Variants in SLC4A11 observed in about 807,000 individuals in gnomAD.
The protein encoded by SLC4A11 is bicarbonate transporter related protein 1.
SLC4A11 carries 74 observed loss-of-function variants against 95.0 expected under a neutral mutation model. The ratio of observed to expected loss-of-function variants is 0.78; its 90% CI spans 0.65 to 0.95. The LOEUF (loss-of-function observed/expected upper bound fraction) is 0.95. Ranked by LOEUF, SLC4A11 falls within the 40% of genes least tolerant of loss-of-function variation. SLC4A11 has a pLI of 0.00. For synonymous variants in SLC4A11, 548 were observed against 519.0 expected (o/e 1.06, Z -0.76); for missense variants, 1,081 against 1,192.4 (o/e 0.91, Z 1.38).
At position 3,228,535 on chromosome 20, in the gene SLC4A11, C is replaced by T. The variant is rs145325200; in HGVS notation, c.2365G>A (p.Val789Met). 34 of 1,612,986 alleles carry T rather than the reference C, an allele frequency of 2.1e-5. No homozygotes were observed. The highest frequency in any genetic ancestry group is 5.0e-5 in the Admixed American group (3 of 59,984). ...SLDGNQLVQR[V>M]ALLLKEQTAY... ...ACCTGCTCCTTGAGCAGCAGGGCCA[C>T]GCGCTGGACGAGCTGGTTGCCATCG... The change falls in exon 18 of 20, where the codon GTG becomes ATG. Residue 789 changes from valine (V) to methionine (M), a missense_variant. Physicochemically the swap from Val to Met is conservative, Grantham distance 21. This residue lies in a region of SLC4A11 where 767 missense variants were observed against 858.0 expected (regional missense o/e 0.89). Transcript: ENST00000642402.
chr20:3,234,005 G>A lies in SLC4A11; in HGVS notation c.524-3C>T. ...GATGGTATCTGACAGCAGGTGGACT[G>A]AGGAAAGAGTGAGGGGGAGGGTGGT... On this transcript the variant is annotated splice_polypyrimidine_tract_variant and splice_region_variant and intron_variant, in intron 5 of 19. Transcript: ENST00000642402. The surrounding 1 kb of genome is among the most constrained non-coding windows in gnomAD (Gnocchi z 5.8). 6.2e-7 allele frequency: 1 copy of A among 1,613,880 alleles called. No homozygotes were observed. The highest frequency in any genetic ancestry group is 1.1e-5 in the South Asian group (1 of 91,082).
chr20:3,229,060 G>GGGGCCCCCCCCCCCCCCCCCCCCCCCCCC, intron 16 of SLC4A11, 35 bp downstream of exon 16: 6 of 1,541,924 alleles, frequency 3.9e-6, no homozygotes, highest in African/African-American at 1.4e-5. Flanking sequence ...AGAGGCCCGG[G>GGGGCCCCCCCCCCCCCCCCCCCCCCCCCC]CCCCGCCCAC....
At position 3,234,955 on chromosome 20, in the gene SLC4A11, G is replaced by A; in HGVS notation, c.89-61C>T. Reference sequence around the variant, plus strand: ...AAAGTGCCACACACAGGAAGGAGGGGCTCCAAGCCCAGGGAGCAGGGACCC... The same window carrying A: ...AAAGTGCCACACACAGGAAGGAGGGACTCCAAGCCCAGGGAGCAGGGACCC... On this transcript the variant is annotated intron_variant, in intron 2 of 19. Transcript: ENST00000642402. The surrounding 1 kb of genome is among the most constrained non-coding windows in gnomAD (Gnocchi z 5.8). 1 of 1,606,548 alleles carries A rather than the reference G, an allele frequency of 6.2e-7. No individual in the cohort carries two copies. The highest frequency in any genetic ancestry group is 8.5e-7 in the Non-Finnish European group (1 of 1,174,364).
chr20:3,234,043 C>T lies in SLC4A11; in HGVS notation c.523+40G>A. The T allele has an allele frequency of 6.2e-7, 1 of 1,613,676 alleles. No individual in the cohort carries two copies. Among genetic ancestry groups the T allele is most frequent in the South Asian group, 1.1e-5 (1 of 91,082 alleles). On this transcript the variant is annotated intron_variant, in intron 5 of 19. Transcript: ENST00000642402. The surrounding 1 kb of genome is among the most constrained non-coding windows in gnomAD (Gnocchi z 5.8). ...GGGGGAGGGTGGTGGGTCAACAGCC[C>T]CTCCCAACGCCCCCGCCCGGGCCGG...
In SLC4A11 at chr20:3,230,863, T is replaced by C; in HGVS notation, c.1169-18A>G. ...CTGCACGTCTGTGGGGGTGCGGAGG[T>C]CAGGTGGGCGCCGCAGCCCAGGGCC... On this transcript the variant is annotated intron_variant, in intron 10 of 19. Coordinates refer to ENST00000642402, the MANE Select transcript of SLC4A11 (RefSeq NM_001174089.2). 6.2e-7 allele frequency: 1 copy of C among 1,612,786 alleles called. No individual in the cohort carries two copies. The highest frequency in any genetic ancestry group is 8.5e-7 in the Non-Finnish European group (1 of 1,179,718).
rs1358520594 is a variant in SLC4A11, at chr20:3,229,518, C to T, written c.1742+6G>A. ...CGGCCCCTCCCCTCCCCATGCAGCC[C>T]CTCACCTCTTCTTGAATTGGTAGAG... On this transcript the variant is annotated splice_donor_region_variant and intron_variant, in intron 14 of 19. Transcript: ENST00000642402. 1 of 1,612,794 alleles carries T rather than the reference C, an allele frequency of 6.2e-7. No homozygotes were observed. Among genetic ancestry groups the T allele is most frequent in the South Asian group, 1.1e-5 (1 of 91,060 alleles).
Position 3,228,339 on chromosome 20 carries a change from C to A in SLC4A11, c.2478G>T (p.Leu826=). ...GGGAGCTCATGCCGAAGGCACACAG[C>A]AGCAGCAGCTGAAGCACCTGCAGGC... ...FTGLQVLQLL[L]LCAFGMSSLP... The change falls in exon 19 of 20, where the codon CTG becomes CTT. Residue 826 remains leucine (L), a synonymous_variant. Coordinates refer to ENST00000642402, the MANE Select transcript of SLC4A11 (RefSeq NM_001174089.2). 1.2e-6 allele frequency: 2 copies of A among 1,613,290 alleles called. No homozygotes were observed. Among genetic ancestry groups the A allele is most frequent in the Non-Finnish European group, 1.7e-6 (2 of 1,179,986 alleles).
chr20:3,228,095 C>T (rs139017795), intron 19 of SLC4A11, among the ~76,000 whole-genome samples, 164 bp downstream of exon 19: 1,635 of 143,322 alleles, frequency 0.011, 36 homozygotes, highest in African/African-American at 0.04. Context: ...CTCCCCAGCC[C>T]GCCCACTCTC....
Position 3,229,376 on chromosome 20 carries a change from T to G in SLC4A11, c.1819A>C (p.Ile607Leu). Reference sequence around the variant, plus strand: ...ATTTCCCGGAAGCCATGGGAGCTGATGAGGGAGAAGGCGAGCACCGCGATG... The same window carrying G: ...ATTTCCCGGAAGCCATGGGAGCTGAGGAGGGAGAAGGCGAGCACCGCGATG... ...LPIAVLAFSL[I>L]SSHGFREIEM... Residue 607 changes from isoleucine (I) to leucine (L), a missense_variant, in exon 15 of 20, where the codon ATC becomes CTC. This residue lies in a region of SLC4A11 where 767 missense variants were observed against 858.0 expected (regional missense o/e 0.89). Transcript: ENST00000642402. The G allele has an allele frequency of 1.2e-6, 2 of 1,613,224 alleles. No individual in the cohort carries two copies. The highest frequency in any genetic ancestry group is 1.1e-5 in the South Asian group (1 of 91,078).
chr20:3,229,611 T>A lies in SLC4A11; in HGVS notation c.1655A>T (p.His552Leu). 6.2e-7 allele frequency: 1 copy of A among 1,612,390 alleles called. No individual in the cohort carries two copies. The highest frequency in any genetic ancestry group is 8.5e-7 in the Non-Finnish European group (1 of 1,179,804). Residue 552 changes from histidine (H) to leucine (L), a missense_variant, in exon 14 of 20, where the codon CAC becomes CTC. Physicochemically the swap from His to Leu is moderately conservative, Grantham distance 99 (BLOSUM62 -3). Coordinates refer to ENST00000642402, the MANE Select transcript of SLC4A11 (RefSeq NM_001174089.2). ...GAGCACGGCGGTCGCCTGGCCTGAG[T>A]GTGTGGCCGAGGGCAGCTCCGTGGG... ...ASPTELPSAT[H>L]SGQATAVLSL...
chr20:3,237,137 G>C (rs1274760133), intron 2 of SLC4A11, among the ~76,000 whole-genome samples: 2 of 152,206 alleles, frequency 1.3e-5, no homozygotes, highest in African/African-American at 4.8e-5. Context: ...GGGACAGCAG[G>C]AAGGTGCCCG....
chr20:3,229,345 C>A lies in SLC4A11; in HGVS notation c.1849+1G>T. On this transcript the variant is annotated splice_donor_variant, in intron 15 of 19. Coordinates refer to ENST00000642402, the MANE Select transcript of SLC4A11 (RefSeq NM_001174089.2). LOFTEE classifies it high-confidence loss of function. The stretch of plus-strand genomic sequence containing the variant: ...TCACCCACCGCCCGGCCCCAACTCA[C>A]TCTCGATTTCCCGGAAGCCATGGGA... 1 of 1,613,272 alleles carries A rather than the reference C, an allele frequency of 6.2e-7. No individual in the cohort carries two copies. Among genetic ancestry groups the A allele is most frequent in the African/African-American group, 1.3e-5 (1 of 75,058 alleles).
At position 3,227,752 on chromosome 20, in the gene SLC4A11, G is replaced by C; in HGVS notation, c.*35C>G. 6.2e-7 allele frequency: 1 copy of C among 1,607,646 alleles called. No homozygotes were observed. Among genetic ancestry groups the C allele is most frequent in the Non-Finnish European group, 8.5e-7 (1 of 1,176,584 alleles). ...CAGAGCCAGCCTGGGAGGACGTGGA[G>C]GGCTGGCGAATGGGGCGTGGGCAGG... On this transcript the variant is annotated 3_prime_UTR_variant, in exon 20 of 20. Transcript: ENST00000642402.
At chr20:3,238,487 G>C in intron 1 of SLC4A11, 1 of 1,009,920 alleles carries the variant, frequency 9.9e-7, no homozygotes, top group Non-Finnish European at 1.2e-6. Flanking sequence ...GGGAGGGTTG[G>C]GCCGGTGCAC....
At chr20:3,230,308 A>C (rs757621626) in intron 12 of SLC4A11, 48 bp from the exon 13 acceptor site, 2 of 1,604,632 alleles carry the variant, frequency 1.2e-6, no homozygotes, top group East Asian at 4.5e-5. Context: ...GTCAGGGGGC[A>C]GGTGGGGGAG....
intron 6 of SLC4A11, 51 bp downstream of exon 6, chr20:3,233,870 C>T (rs374471519): frequency 1.1e-4 from 172 of 1,593,322 alleles, no homozygotes; most frequent in Non-Finnish European, 1.3e-4. Flanking sequence ...GGACATGGGA[C>T]ACCCAGTTCC....
rs759453510 is a variant in SLC4A11 at position 3,230,537 on chromosome 20, G to C, written c.1393C>G (p.Leu465Val). ...CACCTCTTGAAGAGACTCATGACCA[G>C]GCTGAGGTTGAAAAAGGCATAAAGC... ...LALYAFFNLS[L>V]VMSLFKRSTE... The change falls in exon 12 of 20, where the codon CTG becomes GTG. Residue 465 changes from leucine (L) to valine (V), a missense_variant. Transcript: ENST00000642402. The C allele has an allele frequency of 6.2e-7, 1 of 1,613,966 alleles. No individual in the cohort carries two copies.
intron 19 of SLC4A11, 70 bp downstream of exon 19, chr20:3,228,189 C>A: frequency 6.5e-7 from 1 of 1,546,202 alleles, no homozygotes; most frequent in Non-Finnish European, 8.8e-7. Context: ...TCCTCCCAGC[C>A]GCTGCCCCAG....
In SLC4A11 at chr20:3,234,560, C is replaced by T. The variant is rs2067904333; in HGVS notation, c.291+8G>A. The T allele has an allele frequency of 1.2e-6, 2 of 1,613,830 alleles. No individual in the cohort carries two copies. Among genetic ancestry groups the T allele is most frequent in the Non-Finnish European group, 1.7e-6 (2 of 1,180,012 alleles). On this transcript the variant is annotated splice_region_variant and intron_variant, in intron 4 of 19. Transcript: ENST00000642402. The surrounding 1 kb of genome is among the most constrained non-coding windows in gnomAD (Gnocchi z 5.8). ...GCCCCAGGACCACCTGCAGGACAGGCCATTCACCTTTCGGGAGGTGTGCAG... is the reference window on the plus strand; with the variant it reads ...GCCCCAGGACCACCTGCAGGACAGGTCATTCACCTTTCGGGAGGTGTGCAG...
Sources: gnomAD v4.1 joint callset for allele counts (sites outside exome capture counted in the v4.1 genomes callset) on GRCh38, gnomAD v4.1.1 for gene constraint, gnomAD v4.1.1 regional missense constraint, Gnocchi (gnomAD v3.1) non-coding constraint, MANE v1.5 for transcripts, NCBI Gene and HGNC (gene_info 2026-07-23, HGNC 2026-07-21) for gene names.